Variants in CHST9 observed in about 807,000 individuals in gnomAD.
CHST9 encodes the protein GalNAc-4-sulfotransferase 2.
A neutral mutation model predicts 44.4 loss-of-function variants in CHST9; 41 were observed. The ratio of observed to expected loss-of-function variants is 0.92; its 90% CI spans 0.72 to 1.20. The LOEUF is 1.20. Ranked by LOEUF, CHST9 falls within the 50% of genes most tolerant of loss-of-function variation. CHST9 has a pLI of 0.00. For synonymous variants in CHST9, 171 were observed against 178.4 expected (o/e 0.96, Z 0.33); for missense variants, 504 against 516.5 (o/e 0.98, Z 0.23).
At chr18:27,160,014 G>A (rs946049753) in intron 1 of CHST9, among the ~76,000 whole-genome samples, 4 of 152,192 alleles carry the variant, frequency 2.6e-5, no homozygotes, top group African/African-American at 9.6e-5. Flanking sequence ...TTTGGGCTGA[G>A]ACAATGGGGT....
chr18:27,122,866 G>A (rs893753910), intron 2 of CHST9, among the ~76,000 whole-genome samples: 15 of 152,134 alleles, frequency 9.9e-5, no homozygotes, highest in Non-Finnish European at 2.1e-4. Flanking sequence ...AGGGTAAAAG[G>A]AAAGCATTTT....
At chr18:26,928,789 C>T (rs1275982876) in intron 5 of CHST9, among the ~76,000 whole-genome samples, 1 of 152,130 alleles carries the variant, frequency 6.6e-6, no homozygotes, top group East Asian at 1.9e-4. Flanking sequence ...CTGGCAATTC[C>T]AGTCTGCTCT....
chr18:26,942,271 G>T (rs1339981261), intron 5 of CHST9, among the ~76,000 whole-genome samples: 1 of 152,060 alleles, frequency 6.6e-6, no homozygotes, highest in Admixed American at 6.6e-5. Context: ...CTTGAGAGTG[G>T]GGAGCACTTC....
chr18:27,143,808 G>C (rs1245266061), intron 1 of CHST9, among the ~76,000 whole-genome samples: 2 of 152,064 alleles, frequency 1.3e-5, no homozygotes, highest in Non-Finnish European at 2.9e-5. Flanking sequence ...GGGGGGCAAG[G>C]GGAGGGAGAG....
At chr18:26,978,531 T>C (rs559867077) in intron 4 of CHST9, among the ~76,000 whole-genome samples, 5 of 152,304 alleles carry the variant, frequency 3.3e-5, no homozygotes, top group African/African-American at 1.2e-4. Context: ...CTCTCTGTTC[T>C]CACAAACACT....
At chr18:27,098,702 A>G (rs2058141973) in intron 2 of CHST9, among the ~76,000 whole-genome samples, 1 of 152,150 alleles carries the variant, frequency 6.6e-6, no homozygotes, top group African/African-American at 2.4e-5. Flanking sequence ...TAACACAGGA[A>G]CAGAAAACCA....
At chr18:26,988,577 T>C (rs1861742129) in intron 4 of CHST9, among the ~76,000 whole-genome samples, 1 of 152,076 alleles carries the variant, frequency 6.6e-6, no homozygotes, top group Admixed American at 6.6e-5. Flanking sequence ...CATTGAAAAA[T>C]AGTCAAATCC....
chr18:27,169,598 C>CTTTTTT (rs1156859087), intron 1 of CHST9, among the ~76,000 whole-genome samples: 32 of 82,186 alleles, frequency 3.9e-4, no homozygotes, highest in East Asian at 1.2e-3. Flanking sequence ...ATATATTCTT[C>CTTTTTT]TTTTTTTTTT....
At chr18:27,176,500 C>A (rs1174332290) in intron 1 of CHST9, among the ~76,000 whole-genome samples, 1 of 151,900 alleles carries the variant, frequency 6.6e-6, no homozygotes, top group Admixed American at 6.6e-5. Context: ...AAGATTAAAA[C>A]CAGATTGGAC....
At chr18:26,956,150 T>A (rs1174348113) in intron 4 of CHST9, among the ~76,000 whole-genome samples, 1 of 150,992 alleles carries the variant, frequency 6.6e-6, no homozygotes, top group Admixed American at 6.6e-5. Flanking sequence ...CTAAACCCTG[T>A]CTCTACTAAA....
chr18:27,177,154 T>C (rs1039712827), intron 1 of CHST9, among the ~76,000 whole-genome samples: 2 of 152,018 alleles, frequency 1.3e-5, no homozygotes, highest in African/African-American at 2.4e-5. Context: ...TGTTGATAGT[T>C]ACTGCTTTTT....
chr18:26,940,529 A>T (rs1276041357), intron 5 of CHST9, among the ~76,000 whole-genome samples: 1 of 152,190 alleles, frequency 6.6e-6, no homozygotes, highest in Non-Finnish European at 1.5e-5. Flanking sequence ...AGAATGGAAG[A>T]TGAATAGAAA....
At chr18:27,111,248 CT>C (rs1268980807) in intron 2 of CHST9, among the ~76,000 whole-genome samples, 1 of 152,212 alleles carries the variant, frequency 6.6e-6, no homozygotes, top group Non-Finnish European at 1.5e-5. Flanking sequence ...ACCCTATGTC[CT>C]GCTTTCTAAG....
chr18:27,052,276 A>ATG (rs2057576644), intron 2 of CHST9, among the ~76,000 whole-genome samples: 1 of 149,176 alleles, frequency 6.7e-6, no homozygotes, highest in East Asian at 1.9e-4. Flanking sequence ...GTGTATATAT[A>ATG]TGTATATATA....
chr18:26,921,525 G>A (rs1416786665), intron 5 of CHST9, among the ~76,000 whole-genome samples: 1 of 152,092 alleles, frequency 6.6e-6, no homozygotes, highest in African/African-American at 2.4e-5. Context: ...TATAAAAGCT[G>A]TTATTCGGGT....
In CHST9 at chr18:26,914,820, C is replaced by T. The variant is rs1231547410; in HGVS notation, c.*1439G>A. 2.8e-5 allele frequency: 11 copies of T among 396,450 alleles called. No homozygotes were observed. Among genetic ancestry groups the T allele is most frequent in the Non-Finnish European group, 4.9e-5 (11 of 224,744 alleles). 24.6% of individuals were successfully genotyped at this position (396,450 alleles called of 1,614,324 possible). The stretch of plus-strand genomic sequence containing the variant: ...TTTGAAAGCCATTACTGAATATTTA[C>T]TGATAAGAAAAAAATGATAGCTTAG... On this transcript the variant is annotated 3_prime_UTR_variant, in exon 6 of 6. Transcript: ENST00000618847.
intron 3 of CHST9, among the ~76,000 whole-genome samples, chr18:27,029,827 A>T (rs1201677989): frequency 6.6e-6 from 1 of 152,208 alleles, no homozygotes; most frequent in Non-Finnish European, 1.5e-5. Context: ...TGGATGCAGA[A>T]ACCGACATAC....
chr18:26,929,509 C>T (rs886995974), intron 5 of CHST9, among the ~76,000 whole-genome samples: 4 of 152,216 alleles, frequency 2.6e-5, no homozygotes, highest in Admixed American at 6.5e-5. Flanking sequence ...TCATCTATAA[C>T]GCTGCTTTCC....
chr18:27,174,138 A>G (rs1278926202), intron 1 of CHST9, among the ~76,000 whole-genome samples: 1 of 151,996 alleles, frequency 6.6e-6, no homozygotes, highest in African/African-American at 2.4e-5. Context: ...CATTCCTTCC[A>G]TTGTTCCAAT....
Sources: allele counts gnomAD v4.1 joint callset (sites outside exome capture counted in the v4.1 genomes callset), GRCh38; gene constraint gnomAD v4.1.1; transcripts MANE v1.5; gene names NCBI Gene and HGNC (gene_info 2026-07-23, HGNC 2026-07-21).